The following RNASE6 variants were observed in gnomAD, a reference collection of about 807,000 sequenced individuals.
RNASE6 encodes ribonuclease K6.
For synonymous variants in RNASE6, 64 were observed against 63.6 expected, an observed-to-expected ratio of 1.01 and a Z score of -0.03; for missense variants, 197 against 181.9, an observed-to-expected ratio of 1.08 and a Z score of -0.48.
intron 1 of RNASE6, 110 bp from the exon 2 acceptor site, chr14:20,781,585 A>T (rs1878645744): frequency 1.3e-6 from 1 of 784,818 alleles, no homozygotes; most frequent in Non-Finnish European, 2.0e-6. Flanking sequence ...GAAGATTTTA[A>T]AGGGAGCTGT....
chr14:20,782,148 T>C lies in RNASE6; in HGVS notation c.449T>C (p.Leu150Pro). 6.4e-7 allele frequency: 1 copy of C among 1,570,446 alleles called. No homozygotes were observed. The highest frequency in any genetic ancestry group is 8.6e-7 in the Non-Finnish European group (1 of 1,156,582). The change falls in exon 2 of 2, where the codon CTC (leucine) becomes CCC (proline). Residue 150 changes from leucine (L) to proline (P), a missense_variant. Physicochemically the swap from Leu to Pro is moderately conservative, Grantham distance 98 (BLOSUM62 -3). Coordinates refer to ENST00000304677, the MANE Select transcript of RNASE6 (RefSeq NM_005615.5). ...KLVPVHLDSI[L>P] ...GTTCCTGTACACTTAGATAGTATTC[T>C]CTAAGGCATCCACTGCATTTCCTTT... is the stretch of plus-strand genomic sequence containing the variant.
rs1375387280 is a variant in RNASE6, at chr14:20,782,033, C to A, written c.334C>A (p.Pro112Thr). Residue 112 changes from proline to threonine, a missense_variant, in exon 2 of 2, where the codon CCC (proline) becomes ACC (threonine). Transcript: ENST00000304677. ...TDCRLTSGKY[P>T]QCRYSAAAQY... ...CTGCAGACTCACTTCAGGAAAGTAT[C>A]CCCAGTGCCGCTATAGTGCTGCTGC... The A allele has an allele frequency of 5.0e-6, 8 of 1,614,212 alleles. No homozygotes were observed. In the South Asian group the frequency reaches 8.8e-5, roughly 18 times the overall value.
In RNASE6 at chr14:20,781,965, G is replaced by A. The variant is rs1045922; in HGVS notation, c.266G>A (p.Arg89Gln). ...DLLSIVCKNR[R>Q]HNCHQSSKPV... is the part of the protein sequence containing the mutation. ...CTCAGCATTGTCTGCAAAAATCGTC[G>A]GCACAACTGCCACCAGAGCTCAAAG... Residue 89 changes from arginine to glutamine, a missense_variant, in exon 2 of 2, where the codon CGG becomes CAG. By Grantham distance (43) the Arg-to-Gln change is conservative. Transcript: ENST00000304677. 411,067 of 1,613,954 alleles carry A rather than the reference G, an allele frequency of 0.25. 56,471 individuals carry two copies. Among genetic ancestry groups the A allele is most frequent in the South Asian group, 0.45 (40,901 of 91,064 alleles).
Position 20,781,841 on chromosome 14 carries a change from A to G in RNASE6, c.142A>G (p.Arg48Gly). ...HIQPSPLQCN[R>G]AMSGINNYTQ... ...ACAGCCAAGTCCTCTCCAATGCAACAGGGCAATGAGTGGCATCAACAATTA... is the reference window on the plus strand; with the variant it reads ...ACAGCCAAGTCCTCTCCAATGCAACGGGGCAATGAGTGGCATCAACAATTA... Residue 48 changes from arginine to glycine, a missense_variant, in exon 2 of 2, where the codon AGG becomes GGG. Coordinates refer to ENST00000304677, the MANE Select transcript of RNASE6 (RefSeq NM_005615.5). The G allele has an allele frequency of 6.2e-7, 1 of 1,614,224 alleles. No homozygotes were observed. Among genetic ancestry groups the G allele is most frequent in the Non-Finnish European group, 8.5e-7 (1 of 1,180,032 alleles).
In RNASE6 at chr14:20,781,984, C is replaced by A; in HGVS notation, c.285C>A (p.Ser95Arg). 1.9e-6 allele frequency: 3 copies of A among 1,614,222 alleles called. No individual in the cohort carries two copies. Among genetic ancestry groups the A allele is most frequent in the Non-Finnish European group, 2.5e-6 (3 of 1,180,028 alleles). The change falls in exon 2 of 2, where the codon AGC becomes AGA. Residue 95 changes from serine (S) to arginine (R), a missense_variant. Ser to Arg is a moderately radical substitution (Grantham distance 110, BLOSUM62 -1). Transcript: ENST00000304677. ...CKNRRHNCHQ[S>R]SKPVNMTDCR... is the part of the protein sequence containing the mutation. ...ATCGTCGGCACAACTGCCACCAGAG[C>A]TCAAAGCCTGTCAACATGACTGACT...
Position 20,781,742 on chromosome 14 carries a change from TG to T in RNASE6, c.47del (p.Gly16AspfsTer35). 1 of 1,613,956 alleles carries T rather than the reference TG, an allele frequency of 6.2e-7. No homozygotes were observed. The highest frequency in any genetic ancestry group is 8.5e-7 in the Non-Finnish European group (1 of 1,179,884). On this transcript the variant is annotated frameshift_variant, in exon 2 of 2. Coordinates refer to ENST00000304677, the MANE Select transcript of RNASE6 (RefSeq NM_005615.5). LOFTEE classifies it low-confidence loss of function (END_TRUNC). Reference sequence around the variant, plus strand: ...TCTTCTTTTACTGCTGCTGGTTCTATGGGGACCAGTGTGTCCACTTCATGCT... The same window carrying T: ...TCTTCTTTTACTGCTGCTGGTTCTATGGGACCAGTGTGTCCACTTCATGCT... The part of the protein sequence containing the change: ...FPLLLLLLVL[W>X]GPVCPLHAWP...
chr14:20,781,699 G>T lies in RNASE6; in HGVS notation c.-1G>T. On this transcript the variant is annotated 5_prime_UTR_variant, in exon 2 of 2. Coordinates refer to ENST00000304677, the MANE Select transcript of RNASE6 (RefSeq NM_005615.5). ...ATCTTCTCTCTTTCTACACAGAAAA[G>T]ATGGTGCTATGCTTTCCTCTTCTTT... The T allele has an allele frequency of 1.9e-6, 3 of 1,586,998 alleles. No individual in the cohort carries two copies. The highest frequency in any genetic ancestry group is 2.3e-5 in the South Asian group (2 of 87,378).
Position 20,782,096 on chromosome 14 carries a change from CA to C in RNASE6, c.398del (p.Gln133ArgfsTer14). On this transcript the variant is annotated frameshift_variant, in exon 2 of 2. Coordinates refer to ENST00000304677, the MANE Select transcript of RNASE6 (RefSeq NM_005615.5). LOFTEE classifies it low-confidence loss of function (END_TRUNC). ...KFFIVACDPP[Q>X]KSDPPYKLVP... ...CTTCATTGTTGCCTGTGACCCCCCT[CA>C]GAAGAGCGATCCCCCCTACAAGTTG... 1 of 1,613,712 alleles carries C rather than the reference CA, an allele frequency of 6.2e-7. No individual in the cohort carries two copies. The highest frequency in any genetic ancestry group is 2.2e-5 in the East Asian group (1 of 44,886).
At position 20,781,866 on chromosome 14, in the gene RNASE6, A is replaced by T. The variant is rs766092037; in HGVS notation, c.167A>T (p.Tyr56Phe). ...AGGGCAATGAGTGGCATCAACAATT[A>T]TACCCAGCACTGTAAGCATCAAAAT... The part of the protein sequence containing the change: ...CNRAMSGINN[Y>F]TQHCKHQNTF... Residue 56 changes from tyrosine to phenylalanine, a missense_variant, in exon 2 of 2, where the codon TAT (tyrosine) becomes TTT (phenylalanine). Tyr to Phe is a conservative substitution (Grantham distance 22, BLOSUM62 3). Transcript: ENST00000304677. The T allele has an allele frequency of 6.2e-7, 1 of 1,614,204 alleles. No individual in the cohort carries two copies. The highest frequency in any genetic ancestry group is 8.5e-7 in the Non-Finnish European group (1 of 1,180,032).
In RNASE6 at chr14:20,782,119, G is replaced by A. The variant is rs1438750096; in HGVS notation, c.420G>A (p.Lys140=). 6.2e-7 allele frequency: 1 copy of A among 1,610,706 alleles called. No individual in the cohort carries two copies. Among genetic ancestry groups the A allele is most frequent in the South Asian group, 1.1e-5 (1 of 90,524 alleles). The stretch of plus-strand genomic sequence containing the variant: ...CTCAGAAGAGCGATCCCCCCTACAA[G>A]TTGGTTCCTGTACACTTAGATAGTA... ...DPPQKSDPPY[K]LVPVHLDSIL is the part of the protein sequence containing the mutation. The change falls in exon 2 of 2, where the codon AAG becomes AAA. Residue 140 remains lysine (K), a synonymous_variant. Transcript: ENST00000304677.
In RNASE6 at chr14:20,782,042, C is replaced by T. The variant is rs764336651; in HGVS notation, c.343C>T (p.Arg115Cys). The change falls in exon 2 of 2, where the codon CGC becomes TGC. Residue 115 changes from arginine to cysteine, a missense_variant. Coordinates refer to ENST00000304677, the MANE Select transcript of RNASE6 (RefSeq NM_005615.5). ...RLTSGKYPQC[R>C]YSAAAQYKFF... ...CACTTCAGGAAAGTATCCCCAGTGC[C>T]GCTATAGTGCTGCTGCCCAGTACAA... 1.4e-5 allele frequency: 22 copies of T among 1,614,056 alleles called. No individual in the cohort carries two copies. Among genetic ancestry groups the T allele is most frequent in the South Asian group, 4.4e-5 (4 of 91,092 alleles).
chr14:20,781,323 C>T lies in RNASE6; in HGVS notation c.-21C>T, dbSNP rs1455597416. On this transcript the variant is annotated 5_prime_UTR_variant, in exon 1 of 2. Transcript: ENST00000304677. ...ACAGCCTCTGTTCTCAGCAGGAGCC[C>T]CAACACTGAGACCAGGTAAGAAAGA... 2 of 196,012 alleles carry T rather than the reference C, an allele frequency of 1.0e-5. No homozygotes were observed. Among genetic ancestry groups the T allele is most frequent in the Non-Finnish European group, 1.1e-5 (1 of 94,390 alleles). The allele number at this position is 196,012 out of a possible 1,614,324, so 12.1% of individuals were successfully genotyped here. A position where few individuals can be genotyped will look rare whatever the true frequency, so the allele number is the denominator to read the frequency against.
chr14:20,782,186 C>T lies in RNASE6; in HGVS notation c.*34C>T, dbSNP rs1566365116. 6.7e-7 allele frequency: 1 copy of T among 1,491,496 alleles called. No homozygotes were observed. Among genetic ancestry groups the T allele is most frequent in the Non-Finnish European group, 9.0e-7 (1 of 1,108,334 alleles). 92.4% of individuals were successfully genotyped at this position (1,491,496 alleles called of 1,614,324 possible). On this transcript the variant is annotated 3_prime_UTR_variant, in exon 2 of 2. Transcript: ENST00000304677. ...CTGCATTTCCTTTCATTTGACATAGCTTCTGTTACAATTGCATCCATGTTT... is the reference window on the plus strand; with the variant it reads ...CTGCATTTCCTTTCATTTGACATAGTTTCTGTTACAATTGCATCCATGTTT...
At position 20,781,971 on chromosome 14, in the gene RNASE6, A is replaced by G. The variant is rs766813926; in HGVS notation, c.272A>G (p.Asn91Ser). The G allele has an allele frequency of 1.2e-6, 2 of 1,614,088 alleles. No homozygotes were observed. The highest frequency in any genetic ancestry group is 1.7e-6 in the Non-Finnish European group (2 of 1,180,032). The change falls in exon 2 of 2, where the codon AAC (asparagine) becomes AGC (serine). Residue 91 changes from asparagine to serine, a missense_variant. Physicochemically the swap from Asn to Ser is conservative, Grantham distance 46 (BLOSUM62 1). Coordinates refer to ENST00000304677, the MANE Select transcript of RNASE6 (RefSeq NM_005615.5). The stretch of plus-strand genomic sequence containing the variant: ...ATTGTCTGCAAAAATCGTCGGCACA[A>G]CTGCCACCAGAGCTCAAAGCCTGTC... Reference protein sequence around the residue: ...LSIVCKNRRHNCHQSSKPVNM... With the variant: ...LSIVCKNRRHSCHQSSKPVNM...
Position 20,781,890 on chromosome 14 carries a change from A to G in RNASE6, c.191A>G (p.Asn64Ser), listed in dbSNP as rs1878660675. ...TATACCCAGCACTGTAAGCATCAAAATACCTTTCTGCATGACTCTTTCCAG... is the reference window on the plus strand; with the variant it reads ...TATACCCAGCACTGTAAGCATCAAAGTACCTTTCTGCATGACTCTTTCCAG... ...NNYTQHCKHQNTFLHDSFQNV... is the reference protein window; with the variant it reads ...NNYTQHCKHQSTFLHDSFQNV... Residue 64 changes from asparagine to serine, a missense_variant, in exon 2 of 2, where the codon AAT becomes AGT. By Grantham distance (46) the Asn-to-Ser change is conservative (BLOSUM62 1). Transcript: ENST00000304677. 1 of 1,614,074 alleles carries G rather than the reference A, an allele frequency of 6.2e-7. No homozygotes were observed.
At position 20,781,766 on chromosome 14, in the gene RNASE6, G is replaced by C; in HGVS notation, c.67G>C (p.Ala23Pro). Residue 23 changes from alanine to proline, a missense_variant, in exon 2 of 2, where the codon GCT becomes CCT. Physicochemically the swap from Ala to Pro is conservative, Grantham distance 27. Transcript: ENST00000304677. ...ATGGGGACCAGTGTGTCCACTTCAT[G>C]CTTGGCCTAAGCGTCTCACCAAGGC... ...VLWGPVCPLH[A>P]WPKRLTKAHW... is the part of the protein sequence containing the mutation. 2 of 1,614,072 alleles carry C rather than the reference G, an allele frequency of 1.2e-6. No homozygotes were observed. The highest frequency in any genetic ancestry group is 1.1e-5 in the South Asian group (1 of 91,076).
chr14:20,782,112 C>G lies in RNASE6; in HGVS notation c.413C>G (p.Pro138Arg), dbSNP rs199597118. The change falls in exon 2 of 2, where the codon CCC becomes CGC. Residue 138 changes from proline (P) to arginine (R), a missense_variant. Coordinates refer to ENST00000304677, the MANE Select transcript of RNASE6 (RefSeq NM_005615.5). The stretch of plus-strand genomic sequence containing the variant: ...GACCCCCCTCAGAAGAGCGATCCCC[C>G]CTACAAGTTGGTTCCTGTACACTTA... The part of the protein sequence containing the change: ...ACDPPQKSDP[P>R]YKLVPVHLDS... The G allele has an allele frequency of 8.5e-5, 137 of 1,612,084 alleles. No homozygotes were observed. In the African/African-American group the frequency reaches 8.8e-4, roughly 10 times the overall value.
chr14:20,781,849 G>A lies in RNASE6; in HGVS notation c.150G>A (p.Met50Ile), dbSNP rs1466196042. 2.5e-6 allele frequency: 4 copies of A among 1,614,058 alleles called. No individual in the cohort carries two copies. In the African/African-American group the frequency reaches 5.3e-5, roughly 22 times the overall value. Residue 50 changes from methionine (M) to isoleucine (I), a missense_variant, in exon 2 of 2, where the codon ATG (methionine) becomes ATA (isoleucine). Physicochemically the swap from Met to Ile is conservative, Grantham distance 10 (BLOSUM62 1). Transcript: ENST00000304677. ...QPSPLQCNRA[M>I]SGINNYTQHC... ...GTCCTCTCCAATGCAACAGGGCAAT[G>A]AGTGGCATCAACAATTATACCCAGC...
In RNASE6 at chr14:20,781,804, A is replaced by G. The variant is rs776150435; in HGVS notation, c.105A>G (p.Glu35=). 3.7e-6 allele frequency: 6 copies of G among 1,614,146 alleles called. No individual in the cohort carries two copies. The highest frequency in any genetic ancestry group is 5.1e-6 in the Non-Finnish European group (6 of 1,180,028). ...GTCTCACCAAGGCTCACTGGTTTGA[A>G]ATTCAGCATATACAGCCAAGTCCTC... is the stretch of plus-strand genomic sequence containing the variant. ...PKRLTKAHWF[E]IQHIQPSPLQ... The change falls in exon 2 of 2, where the codon GAA becomes GAG. Residue 35 remains glutamate (E), a synonymous_variant. Coordinates refer to ENST00000304677, the MANE Select transcript of RNASE6 (RefSeq NM_005615.5).
Sources: gnomAD v4.1 joint callset for allele counts on GRCh38, gnomAD v4.1.1 for gene constraint, MANE v1.5 for transcripts, NCBI Gene and HGNC (gene_info 2026-07-23, HGNC 2026-07-21) for gene names.